Variants in WDR27 observed in about 807,000 individuals in gnomAD.
WDR27 encodes WD repeat domain 27, also known as WD repeat-containing protein 27.
In WDR27, 100 loss-of-function variants were observed where a neutral mutation model predicts 114.4. The observed-to-expected ratio is 0.87, with a 90% CI of 0.74 to 1.03. The LOEUF (loss-of-function observed/expected upper bound fraction) is 1.03. Ranked by LOEUF, WDR27 falls within the 50% of genes least tolerant of loss-of-function variation. The pLI is 0.00. For synonymous variants in WDR27, 449 were observed against 423.1 expected, an observed-to-expected ratio of 1.06 and a Z score of -0.75; for missense variants, 1,129 against 1,092.9, an observed-to-expected ratio of 1.03 and a Z score of -0.47.
intron 25 of WDR27, among the ~76,000 whole-genome samples, chr6:169,532,233 A>G (rs1004382601): frequency 6.6e-6 from 1 of 152,168 alleles, no homozygotes; most frequent in African/African-American, 2.4e-5. Context: ...TAACATTTTT[A>G]TACTTCACAT....
At chr6:169,562,861 G>T (rs1020454137) in intron 25 of WDR27, among the ~76,000 whole-genome samples, 4 of 152,130 alleles carry the variant, frequency 2.6e-5, no homozygotes, top group African/African-American at 9.7e-5. Context: ...AGGGCTCCAC[G>T]GCTCCTGCTC....
At chr6:169,608,870 T>C (rs1171925954) in intron 22 of WDR27, among the ~76,000 whole-genome samples, 1 of 152,182 alleles carries the variant, frequency 6.6e-6, no homozygotes, top group Admixed American at 6.5e-5. Context: ...GAGCCTGTAA[T>C]ATCAAAAGCA....
At chr6:169,638,692 TCTA>T (rs761367563) in intron 17 of WDR27, 32 bp from the exon 18 acceptor site, 18 of 1,574,692 alleles carry the variant, frequency 1.1e-5, no homozygotes, top group Non-Finnish European at 1.6e-5. Context: ...GGTTACTATT[TCTA>T]CTATTAATAT....
At chr6:169,677,355 C>G (rs1780333049) in intron 2 of WDR27, among the ~76,000 whole-genome samples, 1 of 152,228 alleles carries the variant, frequency 6.6e-6, no homozygotes. Flanking sequence ...TCTGTGGAAG[C>G]TTAAACTTGA....
chr6:169,642,184 T>C (rs1819363423), intron 17 of WDR27, among the ~76,000 whole-genome samples: 1 of 152,214 alleles, frequency 6.6e-6, no homozygotes, highest in Admixed American at 6.5e-5. Context: ...TTCTGTGTTC[T>C]GGGCAGGTGC....
chr6:169,672,284 A>G lies in WDR27; in HGVS notation c.302T>C (p.Leu101Pro). 1.1e-5 allele frequency: 17 copies of G among 1,613,168 alleles called. No homozygotes were observed. The highest frequency in any genetic ancestry group is 1.4e-5 in the Non-Finnish European group (17 of 1,179,614). The stretch of plus-strand genomic sequence containing the variant: ...AAGTACTTTCTCTCTACATTCATCC[A>G]GGTTCCACATTATAACATAATCCAG... ...ASLDYVIMWN[L>P]DECREKVLQG... The change falls in exon 3 of 26, where the codon CTG becomes CCG. Residue 101 changes from leucine (L) to proline (P), a missense_variant. Coordinates refer to ENST00000448612, the MANE Select transcript of WDR27 (RefSeq NM_182552.5).
chr6:169,465,304 C>T (rs1468244559), intron 25 of WDR27, among the ~76,000 whole-genome samples: 3 of 146,260 alleles, frequency 2.1e-5, no homozygotes, highest in African/African-American at 7.6e-5. Flanking sequence ...AGATGCTCAA[C>T]ATCACTCATC....
intron 25 of WDR27, among the ~76,000 whole-genome samples, chr6:169,561,317 C>T (rs955990887): frequency 3.3e-5 from 5 of 152,076 alleles, no homozygotes; most frequent in Admixed American, 6.6e-5. Context: ...TCCTGATGGT[C>T]CCACCTCTGA....
intron 23 of WDR27, among the ~76,000 whole-genome samples, chr6:169,587,808 T>C (rs1804947737): frequency 6.6e-6 from 1 of 152,274 alleles, no homozygotes; most frequent in African/African-American, 2.4e-5. Context: ...CCTGCTGGCA[T>C]AGCTGCAGCC....
chr6:169,648,007 A>G (rs1821240312), intron 15 of WDR27, 137 bp from the exon 16 acceptor site: 1 of 601,240 alleles, frequency 1.7e-6, no homozygotes, highest in Middle Eastern at 3.0e-4. Flanking sequence ...ATATTTATCT[A>G]TATGTCTATA....
intron 25 of WDR27, among the ~76,000 whole-genome samples, chr6:169,512,759 T>C (rs1793068682): frequency 6.6e-6 from 1 of 152,198 alleles, no homozygotes; most frequent in African/African-American, 2.4e-5. Flanking sequence ...ACCTTTGATT[T>C]TGTATTAAAA....
At chr6:169,565,422 TCCATTTAATATTTCAAAGGGAC>T (rs1800308961) in intron 25 of WDR27, among the ~76,000 whole-genome samples, 1 of 151,870 alleles carries the variant, frequency 6.6e-6, no homozygotes, top group Non-Finnish European at 1.5e-5. Flanking sequence ...GCATCTGGGA[TCCATTTAATATTTCAAAGGGAC>T]CCTGAAGTCT....
intron 25 of WDR27, among the ~76,000 whole-genome samples, chr6:169,517,492 C>T (rs542538349): frequency 9.9e-5 from 15 of 152,142 alleles, no homozygotes; most frequent in South Asian, 8.3e-4. Context: ...GCTTTTTGCA[C>T]CTGTATAATA....
At chr6:169,556,987 AACT>A (rs536088526) in intron 25 of WDR27, among the ~76,000 whole-genome samples, 2 of 152,338 alleles carry the variant, frequency 1.3e-5, no homozygotes, top group Admixed American at 1.3e-4. Context: ...CCCCATGCAA[AACT>A]GAGAGGCAGT....
intron 2 of WDR27, among the ~76,000 whole-genome samples, chr6:169,672,868 A>T (rs553019923): frequency 1.3e-5 from 2 of 152,322 alleles, no homozygotes; most frequent in East Asian, 3.9e-4. Context: ...CTACACAAGG[A>T]ATGTTGATAG....
At chr6:169,630,322 G>A (rs561790352) in intron 21 of WDR27, among the ~76,000 whole-genome samples, 13 of 152,002 alleles carry the variant, frequency 8.6e-5, no homozygotes, top group African/African-American at 2.9e-4. Context: ...ACAAAGAATC[G>A]AATCCTTTGC....
chr6:169,675,597 G>T (rs1019978711), intron 2 of WDR27, among the ~76,000 whole-genome samples: 1 of 152,300 alleles, frequency 6.6e-6, no homozygotes, highest in Admixed American at 6.5e-5. Flanking sequence ...ATACACTTAA[G>T]AAATACATTG....
chr6:169,554,584 C>T lies in WDR27; in HGVS notation c.2645+17835G>A, dbSNP rs555962080. Among the ~76,000 whole-genome samples, 8 of 152,256 alleles carry T rather than the reference C, an allele frequency of 5.3e-5. No individual in the cohort carries two copies. In the South Asian group the frequency reaches 1.7e-3, roughly 32 times the overall value. On this transcript the variant is annotated intron_variant, in intron 25 of 25. Transcript: ENST00000448612. ...TAAAAATATAAGCATTTCTGCATTC[C>T]AGATCCCAAACTTTCGGAGCTGCAA...
At chr6:169,677,788 TC>T (rs571676194) in intron 2 of WDR27, among the ~76,000 whole-genome samples, 5 of 152,358 alleles carry the variant, frequency 3.3e-5, no homozygotes, top group African/African-American at 9.6e-5. Flanking sequence ...AGGACACTGC[TC>T]CCGTCTCCAG....
Sources: gnomAD v4.1 joint callset for allele counts (sites outside exome capture counted in the v4.1 genomes callset) on GRCh38, gnomAD v4.1.1 for gene constraint, MANE v1.5 for transcripts, NCBI Gene and HGNC (gene_info 2026-07-23, HGNC 2026-07-21) for gene names.